NCALD: variants seen among roughly 807,000 people sequenced by gnomAD.
NCALD encodes neurocalcin delta.
Under a neutral mutation model 18.6 loss-of-function variants are expected in NCALD, and 10 were observed. The observed-to-expected ratio is 0.54, with a 90% CI of 0.33 to 0.91. NCALD has a LOEUF of 0.91. Among genes scored for constraint, NCALD ranks in the 40% least tolerant of loss-of-function variants. The probability of loss-of-function intolerance (pLI) is 0.03; values close to 1 mark genes in which losing one functional copy is unlikely to be tolerated. For synonymous variants in NCALD, 88 were observed against 87.4 expected, an observed-to-expected ratio of 1.01 and a Z score of -0.04; for missense variants, 184 against 247.6, an observed-to-expected ratio of 0.74 and a Z score of 1.72.
At chr8:101,887,385 G>T (rs1297892069) in intron 3 of NCALD, among the ~76,000 whole-genome samples, 1 of 152,124 alleles carries the variant, frequency 6.6e-6, no homozygotes, top group East Asian at 1.9e-4. Flanking sequence ...CAGCCTAATT[G>T]GTTTTTGGTT....
intron 4 of NCALD, among the ~76,000 whole-genome samples, chr8:101,875,935 T>C (rs1431985186): frequency 6.6e-6 from 1 of 152,244 alleles, no homozygotes; most frequent in Non-Finnish European, 1.5e-5. Context: ...AGTGAACTGA[T>C]TCTTTCTCTA....
chr8:101,864,588 C>T (rs980545957), intron 4 of NCALD, among the ~76,000 whole-genome samples: 10 of 144,236 alleles, frequency 6.9e-5, no homozygotes, highest in African/African-American at 2.4e-4. Context: ...AATTTTCTTT[C>T]CTTTCTTTTT....
At chr8:101,729,519 A>G (rs1039850918) in intron 1 of NCALD, among the ~76,000 whole-genome samples, 5 of 152,210 alleles carry the variant, frequency 3.3e-5, no homozygotes, top group African/African-American at 1.2e-4. Context: ...ATGTGAGCTC[A>G]TATCTCCTAT....
intron 1 of NCALD, among the ~76,000 whole-genome samples, chr8:101,728,671 T>A (rs927310348): frequency 2.4e-4 from 37 of 152,210 alleles, no homozygotes; most frequent in Non-Finnish European, 5.0e-4. Context: ...ATACAAAAAA[T>A]TAGCCAGGCA....
At chr8:102,051,981 AC>A in intron 1 of NCALD, among the ~76,000 whole-genome samples, 1 of 152,242 alleles carries the variant, frequency 6.6e-6, no homozygotes, top group Admixed American at 6.5e-5. Flanking sequence ...ACATTTCCAA[AC>A]AGCGACTTGC....
At chr8:101,986,004 A>G (rs1332117561) in intron 2 of NCALD, among the ~76,000 whole-genome samples, 2 of 151,882 alleles carry the variant, frequency 1.3e-5, no homozygotes, top group Non-Finnish European at 2.9e-5. Flanking sequence ...ACTGAACTCA[A>G]TCCAGTTTTC....
intron 1 of NCALD, among the ~76,000 whole-genome samples, chr8:101,725,563 A>G (rs1326991984): frequency 1.3e-5 from 2 of 152,334 alleles, no homozygotes; most frequent in South Asian, 2.1e-4. Context: ...CTGACTCTCC[A>G]CTGAGCTGGT....
chr8:101,829,686 A>G (rs1814088355), intron 4 of NCALD, among the ~76,000 whole-genome samples: 1 of 152,184 alleles, frequency 6.6e-6, no homozygotes, highest in African/African-American at 2.4e-5. Flanking sequence ...ATACAAATTT[A>G]AAGTAGTTTT....
intron 2 of NCALD, among the ~76,000 whole-genome samples, chr8:101,987,929 C>T (rs1820877221): frequency 6.6e-6 from 1 of 151,984 alleles, no homozygotes; most frequent in African/African-American, 2.4e-5. Context: ...CCGAGGCGGG[C>T]GGATCACGAG....
At position 101,808,207 on chromosome 8, in the gene NCALD, G is replaced by C. The variant is rs112392843; in HGVS notation, c.-20+78934C>G. Among the ~76,000 whole-genome samples the C allele has an allele frequency of 5.7e-3, 875 of 152,210 alleles. 11 individuals are homozygous for C. Among genetic ancestry groups the C allele is most frequent in the African/African-American group, 0.018 (768 of 41,544 alleles). ...CCTTTCAGTGAAGAAATCCCCTCTA[G>C]ACTGTCACTAAGGAGTAGTAAGCAC... On this transcript the variant is annotated intron_variant, in intron 4 of 6. Coordinates refer to the NCALD transcript ENST00000311028.
chr8:101,880,619 G>A (rs1816454038), intron 4 of NCALD, among the ~76,000 whole-genome samples: 1 of 152,222 alleles, frequency 6.6e-6, no homozygotes, highest in African/African-American at 2.4e-5. Flanking sequence ...GAATTGGAAA[G>A]TTTTTCAAAA....
Position 102,060,261 on chromosome 8 carries a change from A to C in NCALD, c.-209-39972T>G, listed in dbSNP as rs62523002. 7.2e-5 allele frequency among the ~76,000 whole-genome samples: 11 copies of C among 152,230 alleles called. No homozygotes were observed. In the East Asian group the frequency reaches 1.4e-3, roughly 19 times the overall value. ...CTCCCAAAATGCTGGGATTACAGGC[A>C]TGAGCCACTGCGCCCGGCCTGAAGT... On this transcript the variant is annotated intron_variant, in intron 1 of 6. Transcript: ENST00000311028.
At chr8:101,691,678 T>C in intron 3 of NCALD, 4 of 985,372 alleles carry the variant, frequency 4.1e-6, no homozygotes, top group Non-Finnish European at 4.8e-6. Context: ...TGTTTCCAAA[T>C]GGAATGGCAC....
chr8:102,002,105 C>T (rs1390030832), intron 2 of NCALD, among the ~76,000 whole-genome samples: 1 of 152,136 alleles, frequency 6.6e-6, no homozygotes, highest in Non-Finnish European at 1.5e-5. Context: ...AGTCAAGACC[C>T]ATCAGTGTGC....
intron 1 of NCALD, among the ~76,000 whole-genome samples, chr8:102,115,157 G>A (rs1825747085): frequency 6.6e-6 from 1 of 152,196 alleles, no homozygotes; most frequent in Non-Finnish European, 1.5e-5. Flanking sequence ...TCCCCTGCAA[G>A]GCAAACCTTT....
intron 2 of NCALD, among the ~76,000 whole-genome samples, chr8:101,712,809 T>C (rs145849999): frequency 2.0e-5 from 3 of 151,996 alleles, no homozygotes; most frequent in African/African-American, 4.8e-5. Flanking sequence ...AAGAGACTTA[T>C]ACTCCCACAC....
At chr8:101,760,585 C>T (rs539431419) in intron 1 of NCALD, among the ~76,000 whole-genome samples, 8 of 152,296 alleles carry the variant, frequency 5.3e-5, no homozygotes, top group Admixed American at 6.5e-5. Context: ...GAAAAGCCAG[C>T]GTGCATTCGT....
chr8:101,799,602 G>C (rs1392502874), intron 4 of NCALD, among the ~76,000 whole-genome samples: 1 of 152,164 alleles, frequency 6.6e-6, no homozygotes, highest in Non-Finnish European at 1.5e-5. Context: ...AAAATTGAAT[G>C]AACGACTTAT....
At position 102,023,715 on chromosome 8, in the gene NCALD, A is replaced by C. The variant is rs1269714; in HGVS notation, c.-209-3426T>G. ...GGGCTTTCCAGTTCCGAGACCAAGG[A>C]TTTGCCATAGAAAAATGAAGTAAAG... On this transcript the variant is annotated intron_variant, in intron 1 of 6. Transcript: ENST00000311028. Among the ~76,000 whole-genome samples the C allele has an allele frequency of 1.0e-3, 155 of 152,204 alleles. 1 individual carries two copies. Among genetic ancestry groups the C allele is most frequent in the South Asian group, 5.8e-3 (28 of 4,820 alleles).
Sources: gnomAD v4.1 joint callset for allele counts (sites outside exome capture counted in the v4.1 genomes callset) on GRCh38, gnomAD v4.1.1 for gene constraint, MANE v1.5 for transcripts, NCBI Gene and HGNC (gene_info 2026-07-23, HGNC 2026-07-21) for gene names.